Variants in SAMMSON observed in about 807,000 individuals in gnomAD.
SAMMSON encodes the protein long intergenic non-protein coding RNA 1212.
chr3:70,328,777 C>T (rs1702599424), intron 7 of SAMMSON, among the ~76,000 whole-genome samples: 1 of 151,998 alleles, frequency 6.6e-6, no homozygotes, highest in Non-Finnish European at 1.5e-5. Context: ...ATGGCTGAAT[C>T]GTTTTCCAAA....
At chr3:70,060,970 C>T (rs60327342) in intron 3 of SAMMSON, among the ~76,000 whole-genome samples, 2,749 of 152,058 alleles carry the variant, frequency 0.018, 83 homozygotes, top group African/African-American at 0.061. Context: ...GGAAAATTAT[C>T]TGGATATTTT....
chr3:70,308,722 A>G (rs1021058005), intron 7 of SAMMSON, among the ~76,000 whole-genome samples: 1 of 152,170 alleles, frequency 6.6e-6, no homozygotes, highest in Admixed American at 6.5e-5. Flanking sequence ...AGTCTCTCCA[A>G]TTAATAACAC....
At chr3:70,029,236 A>C (rs542696949) in intron 3 of SAMMSON, among the ~76,000 whole-genome samples, 3 of 108,874 alleles carry the variant, frequency 2.8e-5, no homozygotes, top group Non-Finnish European at 5.3e-5. Flanking sequence ...AGACACATAC[A>C]TAATAATAAG....
At chr3:70,298,274 A>C (rs1233155736) in intron 7 of SAMMSON, among the ~76,000 whole-genome samples, 1 of 152,062 alleles carries the variant, frequency 6.6e-6, no homozygotes, top group Non-Finnish European at 1.5e-5. Flanking sequence ...TTTTCCCCAC[A>C]CTTTGATGTG....
chr3:70,326,367 A>C (rs946680171), intron 7 of SAMMSON, among the ~76,000 whole-genome samples: 10 of 152,222 alleles, frequency 6.6e-5, no homozygotes, highest in African/African-American at 2.2e-4. Context: ...AATGGGAATT[A>C]ATAATAACAT....
chr3:70,301,306 A>G (rs1236708266), intron 7 of SAMMSON, among the ~76,000 whole-genome samples: 2 of 152,136 alleles, frequency 1.3e-5, no homozygotes, highest in African/African-American at 2.4e-5. Context: ...GGAATTGGGT[A>G]TGTTCATATG....
intron 3 of SAMMSON, among the ~76,000 whole-genome samples, chr3:70,048,781 T>A (rs2067136082): frequency 6.6e-6 from 1 of 152,154 alleles, no homozygotes; most frequent in Non-Finnish European, 1.5e-5. Context: ...AGCCCTGTAG[T>A]GTGAATTGGT....
chr3:70,153,868 C>T (rs1386041743), intron 4 of SAMMSON, among the ~76,000 whole-genome samples: 1 of 151,928 alleles, frequency 6.6e-6, no homozygotes, highest in African/African-American at 2.4e-5. Context: ...ACTCCCCTTT[C>T]CCCCAAAACT....
intron 7 of SAMMSON, among the ~76,000 whole-genome samples, chr3:70,321,517 G>A (rs1236347922): frequency 2.6e-5 from 4 of 151,798 alleles, no homozygotes; most frequent in South Asian, 2.1e-4. Flanking sequence ...TTCCAATTGC[G>A]ACCATTACAA....
At chr3:70,040,995 C>A (rs1002648307) in intron 3 of SAMMSON, among the ~76,000 whole-genome samples, 1 of 152,072 alleles carries the variant, frequency 6.6e-6, no homozygotes, top group Non-Finnish European at 1.5e-5. Context: ...AAACTCTCAG[C>A]GAGCTCCTTT....
chr3:70,142,796 A>G (rs867944095), intron 4 of SAMMSON, among the ~76,000 whole-genome samples: 2 of 152,174 alleles, frequency 1.3e-5, no homozygotes, highest in South Asian at 2.1e-4. Flanking sequence ...TTAAGGTTTC[A>G]GTAGTGGATA....
chr3:70,306,684 A>G (rs1702404274), intron 7 of SAMMSON, among the ~76,000 whole-genome samples: 1 of 152,180 alleles, frequency 6.6e-6, no homozygotes, highest in African/African-American at 2.4e-5. Flanking sequence ...GAAGATTGCA[A>G]AACTACTGCT....
chr3:70,008,027 C>T (rs1289843456), intron 1 of SAMMSON, among the ~76,000 whole-genome samples: 3 of 152,114 alleles, frequency 2.0e-5, no homozygotes, highest in African/African-American at 7.2e-5. Context: ...GTACCAGTAC[C>T]ATGCTGTTTT....
chr3:70,194,698 A>G (rs923830752), intron 4 of SAMMSON, among the ~76,000 whole-genome samples: 2 of 152,212 alleles, frequency 1.3e-5, no homozygotes, highest in African/African-American at 4.8e-5. Context: ...CAAGCATTCA[A>G]TTCACATTTG....
At chr3:70,364,826 TTCTC>T (rs1238683978) in intron 9 of SAMMSON, among the ~76,000 whole-genome samples, 9 of 151,806 alleles carry the variant, frequency 5.9e-5, no homozygotes, top group African/African-American at 1.9e-4. Context: ...GTAGTTTGTT[TTCTC>T]TCTATCTTCC....
chr3:70,241,007 T>C lies in SAMMSON; in HGVS notation n.508-8100T>C, dbSNP rs150774492. 1.9e-3 allele frequency among the ~76,000 whole-genome samples: 294 copies of C among 152,296 alleles called. 1 individual carries two copies. The highest frequency in any genetic ancestry group is 6.7e-3 in the African/African-American group (279 of 41,568). On this transcript the variant is annotated intron_variant and non_coding_transcript_variant, in intron 4 of 9. Transcript: ENST00000642114. ...TTTCACAGTCAAGGATATTCATTTT[T>C]TCGTGTCCACCCATTTTTACACCTT...
chr3:70,016,505 G>T (rs547375860), intron 3 of SAMMSON, among the ~76,000 whole-genome samples: 1 of 152,058 alleles, frequency 6.6e-6, no homozygotes, highest in African/African-American at 2.4e-5. Flanking sequence ...CAGATGAGTA[G>T]ATTGCAAAAA....
intron 2 of SAMMSON, among the ~76,000 whole-genome samples, chr3:70,397,979 A>T (rs1299957214): frequency 6.6e-6 from 1 of 152,198 alleles, no homozygotes; most frequent in Non-Finnish European, 1.5e-5. Flanking sequence ...CATTTATAGT[A>T]GTTATGTATT....
intron 2 of SAMMSON, chr3:70,013,443 G>A (rs1046842793): frequency 6.6e-6 from 1 of 152,120 alleles, no homozygotes; most frequent in Non-Finnish European, 1.5e-5. Context: ...AGGCAAAGGA[G>A]GCCAGTACAT....
Sources: allele counts gnomAD v4.1 joint callset (sites outside exome capture counted in the v4.1 genomes callset), GRCh38; gene constraint gnomAD v4.1.1; transcripts MANE v1.5; gene names NCBI Gene and HGNC (gene_info 2026-07-23, HGNC 2026-07-21).